Variants in SEC14L1 observed in about 807,000 individuals in gnomAD.
SEC14L1 encodes the protein SEC14 like lipid binding 1, also known as SEC14-like protein 1.
SEC14L1 carries 48 observed loss-of-function variants against 85.3 expected under a neutral mutation model. The observed-to-expected ratio is 0.56, with a 90% CI of 0.45 to 0.72. SEC14L1 has a LOEUF of 0.72. SEC14L1 is among the 30% of genes least tolerant of loss of function. The pLI is 0.00. For synonymous variants in SEC14L1, 391 were observed against 355.5 expected (o/e 1.10, Z -1.12); for missense variants, 682 against 921.4 (o/e 0.74, Z 3.36).
intron 10 of SEC14L1, 73 bp downstream of exon 10, chr17:77,203,731 G>A (rs1032209566): frequency 1.3e-5 from 15 of 1,114,012 alleles, no homozygotes; most frequent in African/African-American, 3.1e-5. Flanking sequence ...GGATTGGGGT[G>A]TTAACCAGCC....
Position 77,205,270 on chromosome 17 carries a change from A to G in SEC14L1, c.1099-6A>G, listed in dbSNP as rs2271793. The G allele has an allele frequency of 2.6e-4, 412 of 1,613,318 alleles. 4 individuals are homozygous for G. In the East Asian group the frequency reaches 6.8e-3, roughly 27 times the overall value. ...ATGGTAAATTTTCATGCCCTTTTGT[A>G]TGTAGGTTCTCTCCATAAATGAAGA... is the stretch of plus-strand genomic sequence containing the variant. On this transcript the variant is annotated splice_polypyrimidine_tract_variant and splice_region_variant and intron_variant, in intron 10 of 16. Coordinates refer to ENST00000436233, the MANE Select transcript of SEC14L1 (RefSeq NM_001143998.2).
At chr17:77,202,749 G>T (rs1350024176) in intron 9 of SEC14L1, among the ~76,000 whole-genome samples, 1 of 151,990 alleles carries the variant, frequency 6.6e-6, no homozygotes, top group Non-Finnish European at 1.5e-5. Flanking sequence ...GTGAAACCCT[G>T]TCTCTAGTAA....
intron 7 of SEC14L1, chr17:77,195,116 A>T (rs1381697512): frequency 1.7e-6 from 1 of 574,500 alleles, no homozygotes; most frequent in Non-Finnish European, 3.1e-6. Flanking sequence ...GTTAATAGGA[A>T]GGATTATATC....
intron 3 of SEC14L1, among the ~76,000 whole-genome samples, chr17:77,170,907 G>C (rs1484743202): frequency 6.6e-6 from 1 of 152,104 alleles, no homozygotes; most frequent in Non-Finnish European, 1.5e-5. Context: ...GGTATAATTT[G>C]TTTTAATAAG....
chr17:77,125,377 G>C (rs757280682), intron 3 of SEC14L1, among the ~76,000 whole-genome samples: 4 of 150,664 alleles, frequency 2.7e-5, no homozygotes, highest in East Asian at 1.9e-4. Flanking sequence ...CACACCTTTT[G>C]ATTCACTCAG....
At chr17:77,127,412 C>T (rs531404968) in intron 3 of SEC14L1, among the ~76,000 whole-genome samples, 14 of 152,180 alleles carry the variant, frequency 9.2e-5, no homozygotes, top group South Asian at 4.1e-4. Flanking sequence ...TGCAGTGGCG[C>T]GATCTCAGCT....
intron 5 of SEC14L1, 118 bp downstream of exon 5, chr17:77,191,430 G>A (rs1598373115): frequency 1.8e-6 from 2 of 1,095,756 alleles, no homozygotes; most frequent in East Asian, 4.7e-5. Context: ...TTCATTAGAT[G>A]TTGTCACTCA....
intron 9 of SEC14L1, among the ~76,000 whole-genome samples, chr17:77,201,213 TC>T (rs1263810283): frequency 6.6e-6 from 1 of 152,102 alleles, no homozygotes; most frequent in East Asian, 1.9e-4. Context: ...CCAAATGCCT[TC>T]CATACCCTGC....
chr17:77,206,433 G>A lies in SEC14L1; in HGVS notation c.1341+33G>A. 6.3e-7 allele frequency: 1 copy of A among 1,599,844 alleles called. No homozygotes were observed. Among genetic ancestry groups the A allele is most frequent in the Non-Finnish European group, 8.5e-7 (1 of 1,169,664 alleles). ...GAGATGCTTTTTGCAGTAACTGTGA[G>A]CCATTTGGAAAGCAGATAACATGCA... On this transcript the variant is annotated intron_variant, in intron 12 of 16. Coordinates refer to ENST00000436233, the MANE Select transcript of SEC14L1 (RefSeq NM_001143998.2). This position sits in a 1 kb window ranked among gnomAD's most constrained non-coding sequence, Gnocchi z 4.3.
rs770568448 is a variant in SEC14L1, at chr17:77,190,926, G to A, written c.187G>A (p.Val63Ile). ...CATTGAAAGGCGCTGCAAGCTGGAT[G>A]TAGATGCACCCAGACTGCTGAAGAA... The part of the protein sequence containing the change: ...HVIERRCKLD[V>I]DAPRLLKKIA... Residue 63 changes from valine to isoleucine, a missense_variant, in exon 4 of 17, where the codon GTA (valine) becomes ATA (isoleucine). By Grantham distance (29) the Val-to-Ile change is conservative. This residue lies in a region of SEC14L1 where 139 missense variants were observed against 201.3 expected (regional missense o/e 0.69). Transcript: ENST00000436233. 6.2e-7 allele frequency: 1 copy of A among 1,614,224 alleles called. No homozygotes were observed. Among genetic ancestry groups the A allele is most frequent in the Non-Finnish European group, 8.5e-7 (1 of 1,180,054 alleles).
intron 3 of SEC14L1, among the ~76,000 whole-genome samples, chr17:77,097,049 T>C (rs1392876089): frequency 6.6e-6 from 1 of 152,178 alleles, no homozygotes; most frequent in African/African-American, 2.4e-5. Flanking sequence ...CGTGTTCTAA[T>C]ACATTTCTCC....
intron 3 of SEC14L1, among the ~76,000 whole-genome samples, chr17:77,105,373 A>ACCCCCCCC (rs796673679): frequency 9.7e-5 from 8 of 82,368 alleles, no homozygotes; most frequent in East Asian, 3.9e-4. Flanking sequence ...CTCGCTGACC[A>ACCCCCCCC]CCCCCCCCCC....
At chr17:77,176,989 C>T (rs1974784818) in intron 3 of SEC14L1, among the ~76,000 whole-genome samples, 1 of 152,130 alleles carries the variant, frequency 6.6e-6, no homozygotes, top group Non-Finnish European at 1.5e-5. Context: ...AGAAATCCTT[C>T]TGATTAAGAA....
At chr17:77,127,041 A>G (rs573143360) in intron 3 of SEC14L1, among the ~76,000 whole-genome samples, 2 of 150,192 alleles carry the variant, frequency 1.3e-5, no homozygotes, top group South Asian at 2.1e-4. Flanking sequence ...AAAGGGATAC[A>G]TGTGCAGAAT....
At chr17:77,108,675 G>A (rs1971974532) in intron 3 of SEC14L1, among the ~76,000 whole-genome samples, 2 of 150,748 alleles carry the variant, frequency 1.3e-5, no homozygotes, top group South Asian at 4.2e-4. Flanking sequence ...GGAGGCGGAA[G>A]TTGCAGTGAG....
rs1049417 is a variant in SEC14L1 at position 77,190,880 on chromosome 17, C to G, written c.141C>G (p.Ser47Arg). 1.2e-6 allele frequency: 2 copies of G among 1,613,996 alleles called. No individual in the cohort carries two copies. The highest frequency in any genetic ancestry group is 1.7e-5 in the Admixed American group (1 of 59,992). The change falls in exon 4 of 17, where the codon AGC (serine) becomes AGG (arginine). Residue 47 changes from serine (S) to arginine (R), a missense_variant. By Grantham distance (110) the Ser-to-Arg change is moderately radical. Transcript: ENST00000436233. ...GTGACACTGTGAATGAATTCAAGAG[C>G]GAAGATGGGGCTATTCATGTCATTG... ...VGSDTVNEFK[S>R]EDGAIHVIER...
chr17:77,123,037 GTTTTGTTTTTTTGT>G (rs1972341283), intron 3 of SEC14L1, among the ~76,000 whole-genome samples: 1 of 150,938 alleles, frequency 6.6e-6, no homozygotes, highest in African/African-American at 2.4e-5. Flanking sequence ...CTTTTTTGTT[GTTTTGTTTTTTTGT>G]TTTTGTTTTT....
intron 7 of SEC14L1, 73 bp downstream of exon 7, chr17:77,194,984 T>C (rs776981102): frequency 1.6e-5 from 18 of 1,100,638 alleles, no homozygotes; most frequent in Non-Finnish European, 2.2e-5. Context: ...CTCTGTTTGC[T>C]CTGCCTGTTC....
At chr17:77,145,734 C>A (rs917088109) in intron 3 of SEC14L1, among the ~76,000 whole-genome samples, 7 of 152,124 alleles carry the variant, frequency 4.6e-5, no homozygotes, top group Non-Finnish European at 8.8e-5. Context: ...GGAATTCGAG[C>A]TGGGATGGGC....
Sources: gnomAD v4.1 joint callset for allele counts (sites outside exome capture counted in the v4.1 genomes callset) on GRCh38, gnomAD v4.1.1 for gene constraint, gnomAD v4.1.1 regional missense constraint, Gnocchi (gnomAD v3.1) non-coding constraint, MANE v1.5 for transcripts, NCBI Gene and HGNC (gene_info 2026-07-23, HGNC 2026-07-21) for gene names.